Variants in PPY observed in about 807,000 individuals in gnomAD.
The protein encoded by PPY is pancreatic polypeptide prohormone.
A neutral mutation model predicts 9.3 loss-of-function variants in PPY; 6 were observed. The ratio of observed to expected loss-of-function variants is 0.64; its 90% CI spans 0.35 to 1.27. PPY has a LOEUF of 1.27. Ranked by LOEUF, PPY falls within the 50% of genes most tolerant of loss-of-function variation. PPY has a pLI of 0.03. For synonymous variants in PPY, 58 were observed against 54.6 expected, an observed-to-expected ratio of 1.06 and a Z score of -0.27; for missense variants, 109 against 119.1, an observed-to-expected ratio of 0.91 and a Z score of 0.40.
At chr17:43,941,702 C>G in intron 1 of PPY, 48 bp from the exon 2 acceptor site, 1 of 1,523,044 alleles carries the variant, frequency 6.6e-7, no homozygotes, top group Non-Finnish European at 8.9e-7. Context: ...TGCAGATTTT[C>G]CCGTGCCCAG....
chr17:43,940,953 C>T lies in PPY; in HGVS notation c.264-1G>A. ...TTATAAGTCCAGCGGGCTGAGCTCC[C>T]TGTGAGGACAGGGCAGAACATGGCA... On this transcript the variant is annotated splice_acceptor_variant, in intron 3 of 3. Coordinates refer to ENST00000225992, the MANE Select transcript of PPY (RefSeq NM_002722.5). LOFTEE classifies it high-confidence loss of function. 1 of 1,608,168 alleles carries T rather than the reference C, an allele frequency of 6.2e-7. No individual in the cohort carries two copies. The highest frequency in any genetic ancestry group is 2.2e-5 in the East Asian group (1 of 44,718).
Position 43,941,607 on chromosome 17 carries a change from G to A in PPY, c.48C>T (p.Cys16=), listed in dbSNP as rs369132362. The change falls in exon 2 of 4, where the codon TGC becomes TGT. Residue 16 remains cysteine, a synonymous_variant. Transcript: ENST00000225992. ...LCLSLLLLST[C]VALLLQPLLG... is the part of the protein sequence containing the mutation. Reference sequence around the variant, plus strand: ...GCAGTGGCTGTAGTAACAGAGCCACGCAGGTGGACAGGAGCAGCAGGGAGA... The same window carrying A: ...GCAGTGGCTGTAGTAACAGAGCCACACAGGTGGACAGGAGCAGCAGGGAGA... 4.2e-5 allele frequency: 67 copies of A among 1,613,272 alleles called. No individual in the cohort carries two copies. In the African/African-American group the frequency reaches 4.4e-4, roughly 11 times the overall value.
At chr17:43,941,373 G>C in intron 2 of PPY, 91 bp downstream of exon 2, 1 of 1,576,698 alleles carries the variant, frequency 6.3e-7, no homozygotes, top group Non-Finnish European at 8.7e-7. Context: ...AAGGGGCTGG[G>C]GCTGGGGCTG....
intron 2 of PPY, 23 bp from the exon 3 acceptor site, chr17:43,941,237 G>A (rs1272142697): frequency 1.3e-6 from 2 of 1,550,844 alleles, no homozygotes; most frequent in Non-Finnish European, 8.7e-7. Flanking sequence ...AGGCAGCAGG[G>A]GCAAGCACTG....
intron 1 of PPY, among the ~76,000 whole-genome samples, chr17:43,941,932 C>T (rs1255718930): frequency 2.0e-5 from 3 of 152,078 alleles, no homozygotes; most frequent in African/African-American, 7.2e-5. Flanking sequence ...CCTGGAGACA[C>T]GGGACTCATG....
chr17:43,941,081 G>A (rs2048572415), intron 3 of PPY, 62 bp downstream of exon 3: 12 of 1,547,014 alleles, frequency 7.8e-6, no homozygotes, highest in Non-Finnish European at 1.0e-5. Flanking sequence ...CCCTGATTCA[G>A]TCCCACCACC....
chr17:43,943,986 A>C (rs1276971814), upstream of PPY, among the ~76,000 whole-genome samples: 1 of 152,228 alleles, frequency 6.6e-6, no homozygotes, highest in Non-Finnish European at 1.5e-5. Flanking sequence ...CAAGAAGAGC[A>C]ATAATGCTTC....
Position 43,940,832 on chromosome 17 carries a change from G to T in PPY, c.*96C>A. The T allele has an allele frequency of 6.7e-7, 1 of 1,486,740 alleles. No homozygotes were observed. Among genetic ancestry groups the T allele is most frequent in the Non-Finnish European group, 9.2e-7 (1 of 1,087,030 alleles). The allele number at this position is 1,486,740 out of a possible 1,614,324, so 92.1% of individuals were successfully genotyped here. A position where few individuals can be genotyped will look rare whatever the true frequency, so the allele number is the denominator to read the frequency against. On this transcript the variant is annotated 3_prime_UTR_variant, in exon 4 of 4. Transcript: ENST00000225992. ...CTTTGACTTGCTTTATTGAGCCTGT[G>T]TGGGAGCAGGGAGCAAGCTTTGGCC...
At chr17:43,941,382 T>G (rs1313401274) in intron 2 of PPY, 82 bp downstream of exon 2, 1 of 1,589,136 alleles carries the variant, frequency 6.3e-7, no homozygotes, top group Non-Finnish European at 8.6e-7. Context: ...GGGCTGGGGC[T>G]GGGGATAGGG....
Position 43,941,622 on chromosome 17 carries a change from C to T in PPY, c.33G>A (p.Leu11=). 6.2e-7 allele frequency: 1 copy of T among 1,612,560 alleles called. No individual in the cohort carries two copies. Among genetic ancestry groups the T allele is most frequent in the Non-Finnish European group, 8.5e-7 (1 of 1,179,732 alleles). The change falls in exon 2 of 4, where the codon CTG becomes CTA. Residue 11 remains leucine (L), a synonymous_variant. Coordinates refer to ENST00000225992, the MANE Select transcript of PPY (RefSeq NM_002722.5). MAAARLCLSL[L]LLSTCVALLL... ...ACAGAGCCACGCAGGTGGACAGGAG[C>T]AGCAGGGAGAGGCAGAGGCGTGCGG...
In PPY at chr17:43,942,101, G is replaced by C. The variant is rs187268823; in HGVS notation, c.-1+320C>G. On this transcript the variant is annotated intron_variant, in intron 1 of 3. Coordinates refer to ENST00000225992, the MANE Select transcript of PPY (RefSeq NM_002722.5). This position sits in a 1 kb window ranked among gnomAD's most constrained non-coding sequence, Gnocchi z 5.3. ...CCCTCCACCCTGCGATAGAGACACA[G>C]ATATCGGTCCTGGAGAAGACGCTAC... The C allele has an allele frequency of 1.8e-3, 410 of 225,090 alleles. 1 individual carries two copies. Among genetic ancestry groups the C allele is most frequent in the Non-Finnish European group, 2.6e-3 (293 of 111,040 alleles). 13.9% of individuals were successfully genotyped at this position (225,090 alleles called of 1,614,324 possible).
At chr17:43,944,011 A>G (rs114373488), upstream of PPY, among the ~76,000 whole-genome samples, 521 of 152,342 alleles carry the variant, frequency 3.4e-3, 4 homozygotes, top group African/African-American at 0.012. Flanking sequence ...GACAACTTAC[A>G]TTCCACAAAG....
At position 43,940,921 on chromosome 17, in the gene PPY, G is replaced by T; in HGVS notation, c.*7C>A. ...GCTCATGGAGTCGTAGGAGACAGAA[G>T]GTGGCATTATAAGTCCAGCGGGCTG... On this transcript the variant is annotated 3_prime_UTR_variant, in exon 4 of 4. Transcript: ENST00000225992. The T allele has an allele frequency of 6.2e-7, 1 of 1,607,058 alleles. No individual in the cohort carries two copies. The highest frequency in any genetic ancestry group is 1.3e-5 in the African/African-American group (1 of 74,968).
In PPY at chr17:43,941,498, G is replaced by C. The variant is rs1462736345; in HGVS notation, c.157C>G (p.Leu53Val). Reference sequence around the variant, plus strand: ...GTCAGCATGTTGATGTATCTACGGAGATCAGCTGCATACTGGGCCATCTGC... The same window carrying C: ...GTCAGCATGTTGATGTATCTACGGACATCAGCTGCATACTGGGCCATCTGC... ...PEQMAQYAADLRRYINMLTRP... is the reference protein window; with the variant it reads ...PEQMAQYAADVRRYINMLTRP... The change falls in exon 2 of 4, where the codon CTC becomes GTC. Residue 53 changes from leucine (L) to valine (V), a missense_variant. Coordinates refer to ENST00000225992, the MANE Select transcript of PPY (RefSeq NM_002722.5). The C allele has an allele frequency of 1.2e-6, 2 of 1,613,906 alleles. No individual in the cohort carries two copies. Among genetic ancestry groups the C allele is most frequent in the Non-Finnish European group, 1.7e-6 (2 of 1,180,008 alleles).
chr17:43,941,360 TGGAA>T (rs1270471390), intron 2 of PPY, 100 bp downstream of exon 2: 1 of 1,553,206 alleles, frequency 6.4e-7, no homozygotes, highest in Admixed American at 1.8e-5. Context: ...AGAGCAGGCC[TGGAA>T]GGGGCTGGGG....
Position 43,941,547 on chromosome 17 carries a change from G to A in PPY, c.108C>T (p.Tyr36=), listed in dbSNP as rs752582348. 1.9e-6 allele frequency: 3 copies of A among 1,614,046 alleles called. No individual in the cohort carries two copies. The highest frequency in any genetic ancestry group is 2.2e-5 in the South Asian group (2 of 91,078). ...GCTCTGGTGTGGCATTGTCCCCTGG[G>A]TACACTGGCTCCAGTGGGGCTCCCT... The part of the protein sequence containing the change: ...GAQGAPLEPV[Y]PGDNATPEQM... Residue 36 remains tyrosine, a synonymous_variant, in exon 2 of 4, where the codon TAC becomes TAT. Transcript: ENST00000225992.
chr17:43,943,936 A>C (rs1265261094), upstream of PPY, among the ~76,000 whole-genome samples: 1 of 152,214 alleles, frequency 6.6e-6, no homozygotes, highest in East Asian at 1.9e-4. Context: ...AGCAAACATC[A>C]GTGTTCTGCC....
rs374028375 is a variant in PPY at position 43,942,175 on chromosome 17, C to T, written c.-1+246G>A. 3.5e-4 allele frequency: 61 copies of T among 172,316 alleles called. 2 individuals carry two copies. Among genetic ancestry groups the T allele is most frequent in the African/African-American group, 1.4e-3 (60 of 42,540 alleles). The allele number at this position is 172,316 out of a possible 1,614,324, so 10.7% of individuals were successfully genotyped here. A position where few individuals can be genotyped will look rare whatever the true frequency, so the allele number is the denominator to read the frequency against. Reference sequence around the variant, plus strand: ...CAGCAAAGGCACTCACACAGGGACCCCAGTCACTCACAAGGTCACAGTCAC... The same window carrying T: ...CAGCAAAGGCACTCACACAGGGACCTCAGTCACTCACAAGGTCACAGTCAC... On this transcript the variant is annotated intron_variant, in intron 1 of 3. Coordinates refer to ENST00000225992, the MANE Select transcript of PPY (RefSeq NM_002722.5). The surrounding 1 kb of genome is among the most constrained non-coding windows in gnomAD (Gnocchi z 5.3).
chr17:43,943,367 T>A (rs1046217942), upstream of PPY, among the ~76,000 whole-genome samples: 6 of 152,142 alleles, frequency 3.9e-5, no homozygotes, highest in Admixed American at 2.0e-4. Context: ...CTGTTTTTTT[T>A]CCTAAGTGGG....
Sources: allele counts gnomAD v4.1 joint callset (sites outside exome capture counted in the v4.1 genomes callset), GRCh38; gene constraint gnomAD v4.1.1; non-coding constraint Gnocchi (gnomAD v3.1); transcripts MANE v1.5; gene names NCBI Gene and HGNC (gene_info 2026-07-23, HGNC 2026-07-21).